The following GRID2 variants were observed in gnomAD, a reference collection of about 807,000 sequenced individuals.
The protein encoded by GRID2 is glutamate receptor ionotropic, delta-2.
Under a neutral mutation model 114.8 loss-of-function variants are expected in GRID2, and 33 were observed. The ratio of observed to expected loss-of-function variants is 0.29; its 90% CI spans 0.22 to 0.38. GRID2 has a LOEUF of 0.38. Among genes scored for constraint, GRID2 ranks in the 10% least tolerant of loss-of-function variants. The probability of loss-of-function intolerance (pLI) is 1.00; values close to 1 mark genes in which losing one functional copy is unlikely to be tolerated. For synonymous variants in GRID2, 505 were observed against 449.9 expected, an observed-to-expected ratio of 1.12 and a Z score of -1.55; for missense variants, 1,184 against 1,257.7, an observed-to-expected ratio of 0.94 and a Z score of 0.89.
intron 12 of GRID2, among the ~76,000 whole-genome samples, chr4:93,508,838 A>C (rs1037818973): frequency 1.3e-5 from 2 of 152,222 alleles, no homozygotes; most frequent in African/African-American, 4.8e-5. Flanking sequence ...TTAGAAGAGC[A>C]CTGAAGAGAC....
intron 2 of GRID2, among the ~76,000 whole-genome samples, chr4:92,634,859 C>CAGAGAGAGAGAGAGAGAGAA: frequency 7.0e-6 from 1 of 143,202 alleles, no homozygotes; most frequent in South Asian, 2.2e-4. Context: ...TGCAGAGAGA[C>CAGAGAGAGAGAGAGAGAGAA]AGAGAGAGAG....
At chr4:93,148,371 G>C (rs990488958) in intron 4 of GRID2, among the ~76,000 whole-genome samples, 1 of 152,044 alleles carries the variant, frequency 6.6e-6, no homozygotes, top group Non-Finnish European at 1.5e-5. Flanking sequence ...ATTTAGAGTG[G>C]CAGAACATAG....
chr4:92,304,767 C>A, intron 1 of GRID2, 23 bp downstream of exon 1: 1 of 1,528,228 alleles, frequency 6.5e-7, no homozygotes. Flanking sequence ...TGGTGCAGCT[C>A]GTGGTTACTT....
intron 1 of GRID2, among the ~76,000 whole-genome samples, chr4:92,374,033 C>A (rs1402711902): frequency 6.6e-6 from 1 of 151,820 alleles, no homozygotes; most frequent in Non-Finnish European, 1.5e-5. Context: ...ATTCAAAGCC[C>A]CCCCGCCCTG....
At chr4:92,835,003 T>C (rs1401787555) in intron 2 of GRID2, among the ~76,000 whole-genome samples, 1 of 152,156 alleles carries the variant, frequency 6.6e-6, no homozygotes, top group Non-Finnish European at 1.5e-5. Context: ...ACCTACATAG[T>C]ATCAGAAACT....
chr4:93,118,449 G>A (rs1733482603), intron 4 of GRID2, among the ~76,000 whole-genome samples: 1 of 152,060 alleles, frequency 6.6e-6, no homozygotes, highest in Non-Finnish European at 1.5e-5. Context: ...ATTAAATCAT[G>A]GCATTTCAGA....
intron 13 of GRID2, among the ~76,000 whole-genome samples, chr4:93,539,605 A>G (rs749811869): frequency 3.9e-5 from 6 of 152,030 alleles, no homozygotes; most frequent in Admixed American, 1.3e-4. Context: ...TTGGTAACAC[A>G]GTATCTCATA....
Position 92,554,766 on chromosome 4 carries a change from A to G in GRID2, c.89-35365A>G, listed in dbSNP as rs561615197. On this transcript the variant is annotated intron_variant, in intron 1 of 15. Transcript: ENST00000282020. ...ATGATCTGTATAAATATTTTTCTCA[A>G]TCTCTGAATAGAATCCCAATCAGGA... Among the ~76,000 whole-genome samples, 21 of 152,284 alleles carry G rather than the reference A, an allele frequency of 1.4e-4. 1 individual carries two copies. In the South Asian group the frequency reaches 4.3e-3, roughly 32 times the overall value.
chr4:93,192,505 G>A (rs1741079085), intron 4 of GRID2, among the ~76,000 whole-genome samples: 1 of 152,034 alleles, frequency 6.6e-6, no homozygotes, highest in Non-Finnish European at 1.5e-5. Flanking sequence ...ACTTTGGAAG[G>A]CCAAGGTGGG....
chr4:93,776,182 T>C (rs1429716905), downstream of GRID2, among the ~76,000 whole-genome samples: 1 of 152,164 alleles, frequency 6.6e-6, no homozygotes, highest in Non-Finnish European at 1.5e-5. Flanking sequence ...TTGGCTTCCT[T>C]CCAGAGTACT....
chr4:92,304,718 C>A lies in GRID2; in HGVS notation c.62C>A (p.Ala21Glu). ...SVWWSRTWDSANADSIIHIGA... is the reference protein window; with the variant it reads ...SVWWSRTWDSENADSIIHIGA... ...TGGTGGTCTCGAACCTGGGACTCGG[C>A]GAATGCGGATTCGATCATTCACATC... The change falls in exon 1 of 16, where the codon GCG (alanine) becomes GAG (glutamate). Residue 21 changes from alanine (A) to glutamate (E), a missense_variant. Coordinates refer to ENST00000282020, the MANE Select transcript of GRID2 (RefSeq NM_001510.4). The A allele has an allele frequency of 6.2e-7, 1 of 1,612,716 alleles. No homozygotes were observed. The highest frequency in any genetic ancestry group is 8.5e-7 in the Non-Finnish European group (1 of 1,178,788).
chr4:93,027,582 C>T (rs1003735749), intron 2 of GRID2, among the ~76,000 whole-genome samples: 2 of 152,034 alleles, frequency 1.3e-5, no homozygotes, highest in Non-Finnish European at 2.9e-5. Flanking sequence ...ATTCAAAGCA[C>T]ATTCATATGT....
chr4:92,346,253 T>A (rs1421832035), intron 1 of GRID2, among the ~76,000 whole-genome samples: 1 of 152,210 alleles, frequency 6.6e-6, no homozygotes, highest in Non-Finnish European at 1.5e-5. Context: ...TTATCTTGTG[T>A]AGGGACACAA....
intron 2 of GRID2, among the ~76,000 whole-genome samples, chr4:92,918,493 A>G (rs1472496799): frequency 3.9e-5 from 6 of 152,274 alleles, no homozygotes; most frequent in East Asian, 3.9e-4. Flanking sequence ...TGGGTTTGTC[A>G]TAGATAGCTC....
intron 7 of GRID2, among the ~76,000 whole-genome samples, chr4:93,233,727 A>G (rs1251667586): frequency 6.6e-6 from 1 of 152,066 alleles, no homozygotes; most frequent in Non-Finnish European, 1.5e-5. Context: ...CTGCCATTGA[A>G]CCAGACTGAC....
Position 93,093,201 on chromosome 4 carries a change from A to G in GRID2, c.529+7922A>G, listed in dbSNP as rs561947036. ...TGCTGAATTCGAAGTGACCCTCCTC[A>G]AGATAGGAATGTCAGGTCATTCATA... On this transcript the variant is annotated intron_variant, in intron 3 of 15. Transcript: ENST00000282020. Among the ~76,000 whole-genome samples the G allele has an allele frequency of 3.9e-5, 6 of 152,128 alleles. No homozygotes were observed. The South Asian group carries it at 1.2e-3, about 32-fold the overall frequency.
At chr4:93,587,295 A>G (rs945732302) in intron 13 of GRID2, among the ~76,000 whole-genome samples, 8 of 152,170 alleles carry the variant, frequency 5.3e-5, no homozygotes, top group Admixed American at 1.3e-4. Flanking sequence ...AAAGTATAAT[A>G]TAGGAATACA....
rs963095579 is a variant in GRID2, at chr4:93,772,747, G to A, written c.*249G>A. Reference sequence around the variant, plus strand: ...TCAACTTGTTCCCCAAGAAGGTAGTGTACTAGGATCCTATTAGTCTGCTTT... The same window carrying A: ...TCAACTTGTTCCCCAAGAAGGTAGTATACTAGGATCCTATTAGTCTGCTTT... On this transcript the variant is annotated 3_prime_UTR_variant, in exon 16 of 16. Transcript: ENST00000282020. The A allele has an allele frequency of 4.2e-6, 2 of 478,502 alleles. No individual in the cohort carries two copies. The highest frequency in any genetic ancestry group is 6.6e-5 in the East Asian group (2 of 30,222). 29.6% of individuals were successfully genotyped at this position (478,502 alleles called of 1,614,324 possible).
intron 2 of GRID2, among the ~76,000 whole-genome samples, chr4:92,616,488 T>C (rs1254223084): frequency 6.6e-6 from 1 of 151,592 alleles, no homozygotes; most frequent in Non-Finnish European, 1.5e-5. Flanking sequence ...ACTAGATTCA[T>C]TGAACTTATT....
Sources: allele counts gnomAD v4.1 joint callset (sites outside exome capture counted in the v4.1 genomes callset), GRCh38; gene constraint gnomAD v4.1.1; transcripts MANE v1.5; gene names NCBI Gene and HGNC (gene_info 2026-07-23, HGNC 2026-07-21).